ADGRG5: variants seen among roughly 807,000 people sequenced by gnomAD.
The protein encoded by ADGRG5 is adhesion G protein-coupled receptor G5, also known as G protein-coupled receptor 114.
Under a neutral mutation model 53.2 loss-of-function variants are expected in ADGRG5, and 37 were observed. The ratio of observed to expected loss-of-function variants is 0.70; its 90% CI spans 0.53 to 0.91. The LOEUF (loss-of-function observed/expected upper bound fraction) is 0.91, where lower values mean the gene tolerates loss of function less well. Ranked by LOEUF, ADGRG5 falls within the 40% of genes least tolerant of loss-of-function variation. The pLI is 0.00. For synonymous variants in ADGRG5, 277 were observed against 290.4 expected (o/e 0.95, Z 0.47); for missense variants, 614 against 675.8 (o/e 0.91, Z 1.01).
the ADGRG5 span, among the ~76,000 whole-genome samples, chr16:57,532,205 G>T: frequency 1.3e-5 from 2 of 152,294 alleles, no homozygotes; most frequent in East Asian, 3.9e-4. Context: ...TGTTTGCTAG[G>T]TGTGGAGCTT....
Position 57,570,031 on chromosome 16 carries a change from T to TCCACCTCCATCA in ADGRG5, c.1091-382_1091-381insTCCATCACCACC, listed in dbSNP as rs1555523443. On this transcript the variant is annotated intron_variant, in intron 9 of 11. Transcript: ENST00000349457. The stretch of plus-strand genomic sequence containing the variant: ...CATCACCACCTACTCCACCTCCATC[T>TCCACCTCCATCA]CCACCATCATCACTTCCTCCACCTT... 1.8e-4 allele frequency among the ~76,000 whole-genome samples: 28 copies of TCCACCTCCATCA among 151,622 alleles called. No homozygotes were observed. The South Asian group carries it at 4.0e-3, about 21-fold the overall frequency.
chr16:57,563,892 C>T lies in ADGRG5; in HGVS notation c.342C>T (p.Pro114=), dbSNP rs768167624. 4.5e-5 allele frequency: 73 copies of T among 1,614,006 alleles called. No homozygotes were observed. The highest frequency in any genetic ancestry group is 6.7e-5 in the African/African-American group (5 of 75,030). Reference sequence around the variant, plus strand: ...GGGGTCAGCACGCCATGCAGTTCCCCGCCGAGCTGACCCGGGACGCCTGCA... The same window carrying T: ...GGGGTCAGCACGCCATGCAGTTCCCTGCCGAGCTGACCCGGGACGCCTGCA... ...HARGQHAMQF[P]AELTRDACKT... Residue 114 remains proline (P), a synonymous_variant, in exon 5 of 12, where the codon CCC becomes CCT. Coordinates refer to ENST00000349457, the MANE Select transcript of ADGRG5 (RefSeq NM_001304376.3).
chr16:57,565,499 G>C (rs2033110548), intron 6 of ADGRG5: 5 of 387,482 alleles, frequency 1.3e-5, no homozygotes, highest in East Asian at 3.8e-5. Context: ...TCTCAGCAAT[G>C]GTCTCCTGTC....
chr16:57,562,467 G>C lies in ADGRG5; in HGVS notation c.140+8G>C. The C allele has an allele frequency of 6.3e-7, 1 of 1,585,372 alleles. No individual in the cohort carries two copies. Among genetic ancestry groups the C allele is most frequent in the South Asian group, 1.1e-5 (1 of 87,164 alleles). ...CTCAGTTTTTTCCTCTCGGTGAGTT[G>C]GATGTGCCTCCCACCCCAAGCCTGC... On this transcript the variant is annotated splice_region_variant and intron_variant, in intron 3 of 11. Coordinates refer to ENST00000349457, the MANE Select transcript of ADGRG5 (RefSeq NM_001304376.3).
rs2033194988 is a variant in ADGRG5 at position 57,568,087 on chromosome 16, C to A, written c.1053C>A (p.Ile351=). ...LLLGRVYNIY[I]RRYVFKLGVL... The stretch of plus-strand genomic sequence containing the variant: ...TCGGGCGTGTCTACAACATCTACAT[C>A]CGCAGATATGTGTTCAAGCTTGGTG... Residue 351 remains isoleucine, a synonymous_variant, in exon 9 of 12, where the codon ATC becomes ATA. Coordinates refer to ENST00000349457, the MANE Select transcript of ADGRG5 (RefSeq NM_001304376.3). The A allele has an allele frequency of 1.2e-6, 2 of 1,613,894 alleles. No individual in the cohort carries two copies. The highest frequency in any genetic ancestry group is 2.7e-5 in the African/African-American group (2 of 74,886).
At chr16:57,531,949 C>G in the ADGRG5 span, among the ~76,000 whole-genome samples, 1 of 152,198 alleles carries the variant, frequency 6.6e-6, no homozygotes, top group Non-Finnish European at 1.5e-5. Flanking sequence ...CAAGGTTCCT[C>G]CGTGCTGCTC....
chr16:57,538,237 C>T (rs532593027), upstream of ADGRG5, among the ~76,000 whole-genome samples: 1 of 152,262 alleles, frequency 6.6e-6, no homozygotes, highest in Non-Finnish European at 1.5e-5. Context: ...GTTTTGGCAG[C>T]TCGCATGATG....
rs767958515 is a variant in ADGRG5 at position 57,565,050 on chromosome 16, C to T, written c.446C>T (p.Ser149Phe). Reference sequence around the variant, plus strand: ...CCCTTCCAGGATGAAAACAACTCATCTCTGCTGAATAACTACGTCCTGGGG... The same window carrying T: ...CCCTTCCAGGATGAAAACAACTCATTTCTGCTGAATAACTACGTCCTGGGG... ...THFFKDENNSSLLNNYVLGAQ... is the reference protein window; with the variant it reads ...THFFKDENNSFLLNNYVLGAQ... The change falls in exon 6 of 12, where the codon TCT (serine) becomes TTT (phenylalanine). Residue 149 changes from serine to phenylalanine, a missense_variant. Physicochemically the swap from Ser to Phe is radical, Grantham distance 155. Coordinates refer to ENST00000349457, the MANE Select transcript of ADGRG5 (RefSeq NM_001304376.3). 4 of 1,612,908 alleles carry T rather than the reference C, an allele frequency of 2.5e-6. No homozygotes were observed. Among genetic ancestry groups the T allele is most frequent in the Non-Finnish European group, 3.4e-6 (4 of 1,178,974 alleles).
chr16:57,573,317 C>G (rs1850928937), intron 10 of ADGRG5, among the ~76,000 whole-genome samples: 2 of 151,670 alleles, frequency 1.3e-5, no homozygotes. Context: ...TTCTGTAGTT[C>G]CAGCTACTCA....
intron 6 of ADGRG5, 91 bp downstream of exon 6, chr16:57,565,241 G>A (rs1255669733): frequency 1.4e-6 from 1 of 690,406 alleles, no homozygotes; most frequent in African/African-American, 1.8e-5. Context: ...CAAACCTGTG[G>A]AACCATCTTG....
the ADGRG5 span, among the ~76,000 whole-genome samples, chr16:57,532,816 C>A: frequency 6.6e-6 from 1 of 152,096 alleles, no homozygotes; most frequent in African/African-American, 2.4e-5. Flanking sequence ...AATGTGAGAG[C>A]CTGTGGGGGG....
the ADGRG5 span, among the ~76,000 whole-genome samples, chr16:57,532,794 G>C: frequency 6.6e-6 from 1 of 152,076 alleles, no homozygotes; most frequent in Non-Finnish European, 1.5e-5. Flanking sequence ...GAAGCTCTTG[G>C]AAAAGAAAAA....
At chr16:57,567,719 C>A (rs2146812757) in intron 8 of ADGRG5, 128 bp downstream of exon 8, 2 of 1,416,254 alleles carry the variant, frequency 1.4e-6, no homozygotes, top group East Asian at 2.4e-5. Context: ...GGGAGACCAG[C>A]CTTGTGGTGC....
At chr16:57,537,031 A>G in the ADGRG5 span, among the ~76,000 whole-genome samples, 2 of 151,886 alleles carry the variant, frequency 1.3e-5, no homozygotes, top group African/African-American at 2.4e-5. Flanking sequence ...ATCGGGCCTC[A>G]GTTTCTCTTT....
chr16:57,565,748 A>AT (rs1229362231), intron 6 of ADGRG5: 1 of 152,866 alleles, frequency 6.5e-6, no homozygotes, highest in African/African-American at 2.4e-5. Context: ...ACTGGGGTGA[A>AT]GGAGTGAGCT....
Position 57,568,132 on chromosome 16 carries a change from C to G in ADGRG5, c.1090+8C>G, listed in dbSNP as rs1430006358. On this transcript the variant is annotated splice_region_variant and intron_variant, in intron 9 of 11. Transcript: ENST00000349457. ...TTGGTGTGCTAGGCTGGGGTAAGCA[C>G]ATCATCTCTCCTCGCCTCCTCAGAC... 2.5e-6 allele frequency: 4 copies of G among 1,613,160 alleles called. No homozygotes were observed. The highest frequency in any genetic ancestry group is 1.1e-5 in the South Asian group (1 of 91,060).
intron 1 of ADGRG5, among the ~76,000 whole-genome samples, chr16:57,546,102 A>G (rs985840223): frequency 7.2e-5 from 11 of 152,144 alleles, no homozygotes; most frequent in African/African-American, 2.7e-4. Flanking sequence ...CTGGGATTAC[A>G]GGTGTGAGCC....
At chr16:57,536,961 T>G in the ADGRG5 span, among the ~76,000 whole-genome samples, 1 of 152,164 alleles carries the variant, frequency 6.6e-6, no homozygotes, top group African/African-American at 2.4e-5. Context: ...TGTTGTTACC[T>G]GCATTTTTCC....
At chr16:57,555,640 G>T (rs2032866442) in intron 1 of ADGRG5, among the ~76,000 whole-genome samples, 1 of 152,066 alleles carries the variant, frequency 6.6e-6, no homozygotes, top group South Asian at 2.1e-4. Context: ...CTGTTATTAG[G>T]TGCACACACA....
Sources: allele counts gnomAD v4.1 joint callset (sites outside exome capture counted in the v4.1 genomes callset), GRCh38; gene constraint gnomAD v4.1.1; transcripts MANE v1.5; gene names NCBI Gene and HGNC (gene_info 2026-07-23, HGNC 2026-07-21).